ADAMTSL1: variants seen among roughly 807,000 people sequenced by gnomAD.
The protein encoded by ADAMTSL1 is ADAMTS like 1.
ADAMTSL1 carries 126 observed loss-of-function variants against 201.8 expected under a neutral mutation model. The observed-to-expected ratio is 0.62, with a 90% CI of 0.54 to 0.72. The LOEUF (loss-of-function observed/expected upper bound fraction) is 0.72, where lower values mean the gene tolerates loss of function less well. ADAMTSL1 is among the 30% of genes least tolerant of loss of function. The pLI, the probability that ADAMTSL1 is intolerant of heterozygous loss-of-function variation, is 0.00. For missense variants in ADAMTSL1, 2,679 were observed against 2,277.8 expected (o/e 1.18, Z -3.59); for synonymous variants, 1,121 against 903.4 (o/e 1.24, Z -4.32).
At chr9:18,716,088 A>G (rs1832912309) in intron 14 of ADAMTSL1, among the ~76,000 whole-genome samples, 1 of 151,204 alleles carries the variant, frequency 6.6e-6, no homozygotes, top group Admixed American at 6.6e-5. Context: ...AAATCAATTC[A>G]AGATGGATTA....
chr9:18,478,450 A>G (rs997477546), intron 1 of ADAMTSL1, among the ~76,000 whole-genome samples: 2 of 152,160 alleles, frequency 1.3e-5, no homozygotes, highest in Non-Finnish European at 2.9e-5. Flanking sequence ...TTGTGAACTA[A>G]ATGAAGAGAA....
At chr9:18,199,101 G>A (rs894378390) in intron 2 of ADAMTSL1, among the ~76,000 whole-genome samples, 1 of 137,042 alleles carries the variant, frequency 7.3e-6, no homozygotes, top group Non-Finnish European at 1.5e-5. Flanking sequence ...ACACTCTGGG[G>A]ACTGTTGTGG....
intron 2 of ADAMTSL1, among the ~76,000 whole-genome samples, chr9:18,252,653 A>G (rs1289793000): frequency 6.6e-6 from 1 of 152,150 alleles, no homozygotes; most frequent in Non-Finnish European, 1.5e-5. Flanking sequence ...TCCACGGTTG[A>G]TTGAGTCCAC....
intron 1 of ADAMTSL1, among the ~76,000 whole-genome samples, chr9:17,996,116 A>G (rs1464813705): frequency 6.6e-6 from 1 of 151,956 alleles, no homozygotes; most frequent in Non-Finnish European, 1.5e-5. Flanking sequence ...TGTCTCATCT[A>G]TATTAAATTA....
At chr9:18,053,473 C>T (rs1451612080) in intron 1 of ADAMTSL1, among the ~76,000 whole-genome samples, 1 of 152,090 alleles carries the variant, frequency 6.6e-6, no homozygotes, top group African/African-American at 2.4e-5. Flanking sequence ...GTGACAATCT[C>T]TTAATTTTTA....
intron 6 of ADAMTSL1, among the ~76,000 whole-genome samples, chr9:18,638,784 T>C (rs1458090128): frequency 6.6e-6 from 1 of 152,100 alleles, no homozygotes; most frequent in African/African-American, 2.4e-5. Context: ...CCAGAAAGTA[T>C]AAATAAACAC....
At chr9:18,651,500 A>G (rs1402533085) in intron 7 of ADAMTSL1, 1 of 152,276 alleles carries the variant, frequency 6.6e-6, no homozygotes, top group East Asian at 1.9e-4. Context: ...AAAGTAGCAG[A>G]AACACACAGC....
intron 2 of ADAMTSL1, among the ~76,000 whole-genome samples, chr9:18,299,032 A>G (rs576007556): frequency 6.6e-6 from 1 of 151,502 alleles, no homozygotes; most frequent in South Asian, 2.1e-4. Flanking sequence ...AATAATAATA[A>G]TAATAATAAT....
chr9:18,745,741 T>C (rs1379582445), intron 15 of ADAMTSL1, among the ~76,000 whole-genome samples: 2 of 152,224 alleles, frequency 1.3e-5, no homozygotes, highest in East Asian at 3.8e-4. Context: ...TTCATACTGT[T>C]TGCAACAGCA....
At chr9:18,618,107 A>T (rs564811671) in intron 4 of ADAMTSL1, among the ~76,000 whole-genome samples, 5 of 152,334 alleles carry the variant, frequency 3.3e-5, no homozygotes, top group African/African-American at 1.2e-4. Context: ...CTTGGGAAAT[A>T]GTCTCTAAAA....
At chr9:18,515,389 C>T (rs978186608) in intron 2 of ADAMTSL1, among the ~76,000 whole-genome samples, 12 of 152,178 alleles carry the variant, frequency 7.9e-5, no homozygotes, top group African/African-American at 2.9e-4. Flanking sequence ...GGCTGGAGTG[C>T]AGTGGTGCCA....
At chr9:18,238,828 G>A (rs926537290) in intron 2 of ADAMTSL1, among the ~76,000 whole-genome samples, 1 of 152,074 alleles carries the variant, frequency 6.6e-6, no homozygotes, top group Admixed American at 6.5e-5. Flanking sequence ...TAACTTTTTT[G>A]TAATTGTAAC....
At chr9:18,115,144 A>C (rs554929552) in intron 1 of ADAMTSL1, among the ~76,000 whole-genome samples, 1 of 152,338 alleles carries the variant, frequency 6.6e-6, no homozygotes, top group East Asian at 1.9e-4. Flanking sequence ...GATTTCCATC[A>C]ATTCAAAACA....
At chr9:18,136,513 G>C (rs1826164093) in intron 1 of ADAMTSL1, among the ~76,000 whole-genome samples, 1 of 152,082 alleles carries the variant, frequency 6.6e-6, no homozygotes, top group African/African-American at 2.4e-5. Context: ...GAATGCAAGG[G>C]TGAAGTGCTT....
chr9:18,291,716 T>TCTC (rs1833271423), intron 2 of ADAMTSL1, among the ~76,000 whole-genome samples: 10 of 114,568 alleles, frequency 8.7e-5, no homozygotes, highest in African/African-American at 3.3e-4. Context: ...CTCTCTCTCT[T>TCTC]TCTCTCTCTC....
intron 2 of ADAMTSL1, among the ~76,000 whole-genome samples, chr9:18,310,381 A>AAAAAAAAAAAC (rs1834091198): frequency 2.5e-5 from 3 of 122,230 alleles, no homozygotes; most frequent in Non-Finnish European, 3.6e-5. Flanking sequence ...AAAAAAAAAA[A>AAAAAAAAAAAC]AAAAAAAAAA....
rs570797041 is a variant in ADAMTSL1, at chr9:18,674,005, C to T, written c.1086-1852C>T. The stretch of plus-strand genomic sequence containing the variant: ...GTTAGAATGATTGTAACATGAGGAA[C>T]GATTGAGCTTTCACCTGATTTCTTA... On this transcript the variant is annotated intron_variant, in intron 9 of 28. Transcript: ENST00000380548. 2.9e-4 allele frequency among the ~76,000 whole-genome samples: 44 copies of T among 151,734 alleles called. 1 individual carries two copies. The highest frequency in any genetic ancestry group is 2.2e-3 in the Admixed American group (34 of 15,194).
intron 24 of ADAMTSL1, 127 bp from the exon 25 acceptor site, chr9:18,889,441 T>G: frequency 9.7e-7 from 1 of 1,028,340 alleles, no homozygotes. Context: ...GCCTCATTTA[T>G]AATAGCTCCT....
Position 18,892,410 on chromosome 9 carries a change from T to G in ADAMTSL1, c.4665T>G (p.Ser1555=), listed in dbSNP as rs760665601. ...CPSRWMVTSW[S]ACTRSCGGGV... is the part of the protein sequence containing the mutation. ...CCAGGTGGATGGTGACCTCCTGGTCTGCCTGTACCCGGAGCTGTGGGGGAG... is the reference window on the plus strand; with the variant it reads ...CCAGGTGGATGGTGACCTCCTGGTCGGCCTGTACCCGGAGCTGTGGGGGAG... Residue 1555 remains serine, a synonymous_variant, in exon 26 of 29, where the codon TCT becomes TCG. Transcript: ENST00000380548. 3 of 1,613,352 alleles carry G rather than the reference T, an allele frequency of 1.9e-6. No homozygotes were observed. The South Asian group carries it at 3.3e-5, about 18-fold the overall frequency.
Sources: allele counts gnomAD v4.1 joint callset (sites outside exome capture counted in the v4.1 genomes callset), GRCh38; gene constraint gnomAD v4.1.1; transcripts MANE v1.5; gene names NCBI Gene and HGNC (gene_info 2026-07-23, HGNC 2026-07-21).